Variants in PRKN observed in about 807,000 individuals in gnomAD.
The protein encoded by PRKN is E3 ubiquitin-protein ligase parkin.
In PRKN, 56 loss-of-function variants were observed where a neutral mutation model predicts 59.5. The observed-to-expected ratio is 0.94, with a 90% confidence interval of 0.76 to 1.18. The LOEUF (loss-of-function observed/expected upper bound fraction) is 1.18, where lower values mean the gene tolerates loss of function less well. PRKN is among the 50% of genes most tolerant of loss of function. PRKN has a pLI of 0.00. For synonymous variants in PRKN, 250 were observed against 222.1 expected (o/e 1.13, Z -1.12); for missense variants, 657 against 596.4 (o/e 1.10, Z -1.06).
At chr6:162,252,333 T>C (rs982676445) in intron 3 of PRKN, among the ~76,000 whole-genome samples, 3 of 152,192 alleles carry the variant, frequency 2.0e-5, no homozygotes, top group Admixed American at 2.0e-4. Context: ...AAGGTTTGCC[T>C]ATCTGTATAT....
At chr6:161,818,975 T>G (rs1307176437) in intron 6 of PRKN, among the ~76,000 whole-genome samples, 1 of 152,138 alleles carries the variant, frequency 6.6e-6, no homozygotes, top group Non-Finnish European at 1.5e-5. Flanking sequence ...CTGGAGACAT[T>G]CAATAAGTGG....
intron 7 of PRKN, among the ~76,000 whole-genome samples, chr6:161,674,432 G>C (rs1217588569): frequency 6.6e-6 from 1 of 152,140 alleles, no homozygotes; most frequent in Non-Finnish European, 1.5e-5. Context: ...GTTGGTGGCT[G>C]TTCAAGGATT....
intron 6 of PRKN, among the ~76,000 whole-genome samples, chr6:161,934,061 A>G (rs1233153052): frequency 6.6e-6 from 1 of 152,200 alleles, no homozygotes; most frequent in Non-Finnish European, 1.5e-5. Flanking sequence ...CATAATCCCC[A>G]GGTAACGAGA....
At chr6:161,387,792 G>C (rs1358562597) in intron 9 of PRKN, among the ~76,000 whole-genome samples, 1 of 152,162 alleles carries the variant, frequency 6.6e-6, no homozygotes, top group African/African-American at 2.4e-5. Flanking sequence ...TGTATTTGGA[G>C]ACAGGGCCTT....
At chr6:162,269,052 C>A (rs1166252408) in intron 2 of PRKN, among the ~76,000 whole-genome samples, 4 of 152,088 alleles carry the variant, frequency 2.6e-5, no homozygotes, top group African/African-American at 9.7e-5. Context: ...GCAGAGGAAT[C>A]AGTGAGAGTA....
In PRKN at chr6:161,497,965, G is replaced by C. The variant is rs1777816689; in HGVS notation, c.1083+50889C>G. On this transcript the variant is annotated intron_variant, in intron 9 of 11. Coordinates refer to ENST00000366898, the MANE Select transcript of PRKN (RefSeq NM_004562.3). The surrounding 1 kb of genome is among the most constrained non-coding windows in gnomAD (Gnocchi z 4.6). ...TGATGGTAATTATGCTTCTAAATCT[G>C]ATCAAATGACGGGAGAGAGGAAACC... 6.6e-6 allele frequency among the ~76,000 whole-genome samples: 1 copy of C among 152,190 alleles called. No homozygotes were observed. Among genetic ancestry groups the C allele is most frequent in the Non-Finnish European group, 1.5e-5 (1 of 68,034 alleles).
chr6:162,025,411 TACAGA>T (rs1484083325), intron 5 of PRKN, among the ~76,000 whole-genome samples: 1 of 152,098 alleles, frequency 6.6e-6, no homozygotes, highest in Admixed American at 6.5e-5. Context: ...TCCTGTGCAG[TACAGA>T]AAGTGAGCCT....
chr6:161,808,466 A>C (rs1018433722), intron 6 of PRKN, among the ~76,000 whole-genome samples: 2 of 152,226 alleles, frequency 1.3e-5, no homozygotes, highest in Non-Finnish European at 2.9e-5. Flanking sequence ...ATAGTACAGA[A>C]AATTGTAATG....
chr6:162,548,843 T>C (rs946799560), intron 1 of PRKN, among the ~76,000 whole-genome samples: 6 of 152,098 alleles, frequency 3.9e-5, no homozygotes, highest in African/African-American at 1.4e-4. Flanking sequence ...AGAAATGGCA[T>C]TGGGTAAATA....
intron 6 of PRKN, among the ~76,000 whole-genome samples, chr6:161,916,074 A>C (rs1362628435): frequency 1.3e-5 from 2 of 152,252 alleles, no homozygotes; most frequent in Non-Finnish European, 2.9e-5. Flanking sequence ...AAAGAAAAAG[A>C]AAGGAACATC....
intron 6 of PRKN, among the ~76,000 whole-genome samples, chr6:161,933,001 C>T (rs937368264): frequency 6.6e-5 from 10 of 152,204 alleles, no homozygotes; most frequent in Non-Finnish European, 1.3e-4. Context: ...TAAAACCAGC[C>T]GGGTGTGATG....
rs367724097 is a variant in PRKN at position 161,595,830 on chromosome 6, C to T, written c.872-26414G>A. 1.2e-3 allele frequency among the ~76,000 whole-genome samples: 188 copies of T among 152,276 alleles called. 1 individual carries two copies. The highest frequency in any genetic ancestry group is 4.4e-3 in the African/African-American group (181 of 41,558). ...ATCAGCCAAAAGGAAGGAGGTGGTG[C>T]TATAATTTACGGCGGGAAAGTGAAA... On this transcript the variant is annotated intron_variant, in intron 7 of 11. Coordinates refer to ENST00000366898, the MANE Select transcript of PRKN (RefSeq NM_004562.3).
chr6:162,482,113 T>A (rs2128182527), intron 1 of PRKN, among the ~76,000 whole-genome samples: 1 of 152,276 alleles, frequency 6.6e-6, no homozygotes, highest in Middle Eastern at 3.4e-3. Context: ...TTTACTCAGA[T>A]AATGAAAAGT....
chr6:161,773,341 C>T (rs914125431), intron 7 of PRKN, among the ~76,000 whole-genome samples: 2 of 152,144 alleles, frequency 1.3e-5, no homozygotes, highest in African/African-American at 4.8e-5. Flanking sequence ...TCAGGAGGTG[C>T]CCACTCTGAT....
chr6:162,094,166 C>G (rs931702103), intron 4 of PRKN, among the ~76,000 whole-genome samples: 1 of 152,132 alleles, frequency 6.6e-6, no homozygotes, highest in African/African-American at 2.4e-5. Context: ...AGCCCAGTGC[C>G]CATCTGTGAG....
rs1413864631 is a variant in PRKN at position 162,720,463 on chromosome 6, A to G, written c.7+7199T>C. On this transcript the variant is annotated intron_variant, in intron 1 of 11. Transcript: ENST00000366898. ...CTTTTTTTTTTTTTTTTTTTTTTTG[A>G]GACGGAGTCTCGCTCTGTCGCCCAG... Among the ~76,000 whole-genome samples the G allele has an allele frequency of 6.7e-5, 3 of 44,526 alleles. No homozygotes were observed. The East Asian group carries it at 1.9e-3, about 28-fold the overall frequency. The allele number at this position is 44,526 out of a possible 152,430, so 29.2% of individuals were successfully genotyped here. A position where few individuals can be genotyped will look rare whatever the true frequency, so the allele number is the denominator to read the frequency against.
intron 7 of PRKN, among the ~76,000 whole-genome samples, chr6:161,766,408 A>G (rs1789426862): frequency 6.6e-6 from 1 of 150,792 alleles, no homozygotes; most frequent in African/African-American, 2.4e-5. Flanking sequence ...CCCGGGTTCA[A>G]GTAATTCTTC....
intron 9 of PRKN, among the ~76,000 whole-genome samples, chr6:161,438,556 A>G (rs546760107): frequency 6.6e-6 from 1 of 152,256 alleles, no homozygotes; most frequent in South Asian, 2.1e-4. Flanking sequence ...AGGGCAGAAG[A>G]CATACTTTAA....
intron 7 of PRKN, among the ~76,000 whole-genome samples, chr6:161,763,204 C>G (rs970526848): frequency 6.6e-6 from 1 of 152,146 alleles, no homozygotes; most frequent in East Asian, 1.9e-4. Flanking sequence ...TTGCCCAAAT[C>G]GTGCGACTCT....
Sources: gnomAD v4.1 joint callset for allele counts (sites outside exome capture counted in the v4.1 genomes callset) on GRCh38, gnomAD v4.1.1 for gene constraint, Gnocchi (gnomAD v3.1) non-coding constraint, MANE v1.5 for transcripts, NCBI Gene and HGNC (gene_info 2026-07-23, HGNC 2026-07-21) for gene names.